Variants in TRERF1 observed in about 807,000 individuals in gnomAD.
TRERF1 encodes transcriptional regulating factor 1, also known as transcriptional-regulating factor 1.
Under a neutral mutation model 122.9 loss-of-function variants are expected in TRERF1, and 27 were observed. The observed-to-expected ratio is 0.22, with a 90% CI of 0.16 to 0.30. The LOEUF (loss-of-function observed/expected upper bound fraction) is 0.30. Ranked by LOEUF, TRERF1 falls within the 10% of genes least tolerant of loss-of-function variation. The pLI, the probability that TRERF1 is intolerant of heterozygous loss-of-function variation, is 1.00. For missense variants in TRERF1, 1,248 were observed against 1,560.3 expected, an observed-to-expected ratio of 0.80 and a Z score of 3.37; for synonymous variants, 636 against 641.7, an observed-to-expected ratio of 0.99 and a Z score of 0.13.
intron 5 of TRERF1, among the ~76,000 whole-genome samples, chr6:42,266,590 A>G (rs1481393984): frequency 6.6e-6 from 1 of 152,172 alleles, no homozygotes; most frequent in Non-Finnish European, 1.5e-5. Flanking sequence ...AACAAACTCA[A>G]GGGGAAGTTC....
chr6:42,424,926 C>T (rs1458630538), intron 2 of TRERF1, among the ~76,000 whole-genome samples: 9 of 152,208 alleles, frequency 5.9e-5, no homozygotes, highest in Non-Finnish European at 1.2e-4. Flanking sequence ...GCAAGTGGCA[C>T]AAAGTAGAGC....
At chr6:42,365,415 A>C (rs1362781648) in intron 2 of TRERF1, among the ~76,000 whole-genome samples, 1 of 152,086 alleles carries the variant, frequency 6.6e-6, no homozygotes, top group Admixed American at 6.5e-5. Context: ...AAGCAGTTCC[A>C]TCTCTTTCTG....
chr6:42,262,473 G>C (rs1281690791), intron 8 of TRERF1, among the ~76,000 whole-genome samples: 10 of 2,464 alleles, frequency 4.1e-3, no homozygotes, highest in Non-Finnish European at 6.0e-3. Flanking sequence ...AGAGGAGAGA[G>C]AGAGAGAGAG....
At chr6:42,346,905 C>T (rs600966) in intron 3 of TRERF1, among the ~76,000 whole-genome samples, 4,288 of 152,282 alleles carry the variant, frequency 0.028, 123 homozygotes, top group African/African-American at 0.074. Context: ...AGGGAGGTGA[C>T]TACTGTGTCC....
rs558047963 is a variant in TRERF1 at position 42,393,079 on chromosome 6, G to T, written c.-453-30000C>A. Among the ~76,000 whole-genome samples, 1 of 152,302 alleles carries T rather than the reference G, an allele frequency of 6.6e-6. No individual in the cohort carries two copies. The highest frequency in any genetic ancestry group is 1.9e-4 in the East Asian group (1 of 5,186). ...ACAGTTAACTCCCACGAGCTGGTGC[G>T]AGCCAGCTTCCACACGCATCACCGA... is the stretch of plus-strand genomic sequence containing the variant. On this transcript the variant is annotated intron_variant, in intron 2 of 17. Coordinates refer to ENST00000372922, the Ensembl canonical transcript of TRERF1. This position sits in a 1 kb window ranked among gnomAD's most constrained non-coding sequence, Gnocchi z 4.1.
Position 42,228,357 on chromosome 6 carries a change from G to A in TRERF1, c.3591C>T (p.Asp1197=), listed in dbSNP as rs138627207. 267 of 1,612,244 alleles carry A rather than the reference G, an allele frequency of 1.7e-4. 2 individuals are homozygous for A. The highest frequency in any genetic ancestry group is 1.4e-3 in the East Asian group (63 of 44,804). The stretch of plus-strand genomic sequence containing the variant: ...GACACACAGGGCTTTATAGTTCTGC[G>A]TCACCCTGAAGCAAGACTGAATCTT... The change falls in exon 18 of 18, where the codon GAC becomes GAT. Residue 1197 remains aspartate (D), a synonymous_variant. Coordinates refer to ENST00000372922, the Ensembl canonical transcript of TRERF1. The surrounding 1 kb of genome is among the most constrained non-coding windows in gnomAD (Gnocchi z 4.2).
intron 2 of TRERF1, among the ~76,000 whole-genome samples, chr6:42,379,762 C>T (rs1416635502): frequency 1.3e-5 from 2 of 152,090 alleles, no homozygotes; most frequent in East Asian, 3.9e-4. Flanking sequence ...AAATCCTGAG[C>T]CCAAGCGATC....
At chr6:42,285,803 A>C (rs1783105253) in intron 4 of TRERF1, among the ~76,000 whole-genome samples, 1 of 152,048 alleles carries the variant, frequency 6.6e-6, no homozygotes, top group Non-Finnish European at 1.5e-5. Context: ...TTTAAAGTTC[A>C]TATGGAACCA....
At position 42,267,751 on chromosome 6, in the gene TRERF1, G is replaced by A. The variant is rs574140299; in HGVS notation, c.1437+403C>T. On this transcript the variant is annotated intron_variant, in intron 5 of 17. Coordinates refer to ENST00000372922, the Ensembl canonical transcript of TRERF1. ...ATGGCTGTTCTGAGCAATATACTTTGAGAAATGCTGTCATAACGTGGTCTC... is the reference window on the plus strand; with the variant it reads ...ATGGCTGTTCTGAGCAATATACTTTAAGAAATGCTGTCATAACGTGGTCTC... Among the ~76,000 whole-genome samples the A allele has an allele frequency of 9.8e-5, 15 of 152,324 alleles. No individual in the cohort carries two copies. The South Asian group carries it at 2.9e-3, about 29-fold the overall frequency.
intron 13 of TRERF1, among the ~76,000 whole-genome samples, chr6:42,252,002 A>AC: frequency 6.6e-6 from 1 of 152,154 alleles, no homozygotes; most frequent in Non-Finnish European, 1.5e-5. Flanking sequence ...GCCCTTCCCA[A>AC]CCCAAGTGCT....
At chr6:42,282,225 C>T (rs1043356380) in intron 4 of TRERF1, among the ~76,000 whole-genome samples, 2 of 152,132 alleles carry the variant, frequency 1.3e-5, no homozygotes, top group South Asian at 2.1e-4. Flanking sequence ...ATGGAATAAC[C>T]GCAGGATGGG....
intron 13 of TRERF1, among the ~76,000 whole-genome samples, chr6:42,250,089 C>T (rs939934189): frequency 2.0e-5 from 3 of 152,198 alleles, no homozygotes; most frequent in Non-Finnish European, 2.9e-5. Flanking sequence ...CTTCTGTGAA[C>T]CCCGGGCAAG....
intron 13 of TRERF1, among the ~76,000 whole-genome samples, chr6:42,251,526 ATT>A (rs548147728): frequency 6.8e-6 from 1 of 147,664 alleles, no homozygotes; most frequent in Non-Finnish European, 1.5e-5. Context: ...CCACTAGGCA[ATT>A]TTTTTTTTTT....
chr6:42,252,873 G>T (rs2149701211), intron 13 of TRERF1, among the ~76,000 whole-genome samples: 1 of 152,294 alleles, frequency 6.6e-6, no homozygotes, highest in South Asian at 2.1e-4. Flanking sequence ...CAAGTGACTG[G>T]CAAACATAGG....
intron 2 of TRERF1, among the ~76,000 whole-genome samples, chr6:42,421,186 A>T (rs1275997604): frequency 3.9e-5 from 6 of 152,242 alleles, no homozygotes; most frequent in Non-Finnish European, 7.3e-5. Flanking sequence ...GAATGTATAG[A>T]GCGCACTTGG....
intron 2 of TRERF1, among the ~76,000 whole-genome samples, chr6:42,436,814 AATATATATATAT>A (rs56057543): frequency 2.2e-4 from 15 of 66,682 alleles, no homozygotes; most frequent in South Asian, 9.0e-4. Flanking sequence ...AAAAAAAAAA[AATATATATATAT>A]ATATATATAT....
At chr6:42,242,162 G>A (rs1561807944) in intron 15 of TRERF1, among the ~76,000 whole-genome samples, 1 of 152,146 alleles carries the variant, frequency 6.6e-6, no homozygotes, top group East Asian at 1.9e-4. Context: ...TTAACAACAC[G>A]CTCAGCAGCT....
At chr6:42,386,424 C>T (rs1776828456) in intron 2 of TRERF1, among the ~76,000 whole-genome samples, 1 of 152,016 alleles carries the variant, frequency 6.6e-6, no homozygotes, top group Non-Finnish European at 1.5e-5. Context: ...GCCTGGGCGA[C>T]ATAGCGAGAC....
intron 2 of TRERF1, among the ~76,000 whole-genome samples, chr6:42,445,114 T>C (rs1029896155): frequency 5.3e-5 from 8 of 151,614 alleles, no homozygotes; most frequent in African/African-American, 1.9e-4. Flanking sequence ...ACTAAAAATA[T>C]AAAAACCAGC....
Sources: gnomAD v4.1 joint callset for allele counts (sites outside exome capture counted in the v4.1 genomes callset) on GRCh38, gnomAD v4.1.1 for gene constraint, Gnocchi (gnomAD v3.1) non-coding constraint, MANE v1.5 for transcripts, NCBI Gene and HGNC (gene_info 2026-07-23, HGNC 2026-07-21) for gene names.